MSRB3: variants seen among roughly 807,000 people sequenced by gnomAD.
MSRB3 encodes methionine-R-sulfoxide reductase B3.
A neutral mutation model predicts 21.0 loss-of-function variants in MSRB3; 13 were observed. The ratio of observed to expected loss-of-function variants is 0.62; its 90% confidence interval spans 0.40 to 0.98. The LOEUF (loss-of-function observed/expected upper bound fraction) is 0.98. Ranked by LOEUF, MSRB3 falls within the 50% of genes least tolerant of loss-of-function variation. The pLI, the probability that MSRB3 is intolerant of heterozygous loss-of-function variation, is 0.00. For missense variants in MSRB3, 199 were observed against 230.3 expected, an observed-to-expected ratio of 0.86 and a Z score of 0.88; for synonymous variants, 87 against 88.6, an observed-to-expected ratio of 0.98 and a Z score of 0.10.
rs1880568418 is a variant in MSRB3, at chr12:65,408,934, C to CG, written c.292+39908_292+39909insG. On this transcript the variant is annotated intron_variant, in intron 5 of 6. Coordinates refer to ENST00000308259, the MANE Select transcript of MSRB3 (RefSeq NM_001031679.3). The stretch of plus-strand genomic sequence containing the variant: ...ATTTAAAAATGGCTACTTTCCCCTT[C>CG]CCCCTGCTGGAATCACAAGCGGACT... Among the ~76,000 whole-genome samples the CG allele has an allele frequency of 2.0e-5, 3 of 152,182 alleles. No homozygotes were observed. In the South Asian group the frequency reaches 6.2e-4, roughly 32 times the overall value.
At chr12:65,422,000 G>A (rs1020551247) in intron 5 of MSRB3, among the ~76,000 whole-genome samples, 30 of 152,172 alleles carry the variant, frequency 2.0e-4, no homozygotes, top group African/African-American at 6.5e-4. Context: ...AACATGCAAC[G>A]ACATGCATAG....
chr12:65,431,184 A>G (rs1169508309), intron 5 of MSRB3, among the ~76,000 whole-genome samples: 1 of 152,056 alleles, frequency 6.6e-6, no homozygotes, highest in East Asian at 1.9e-4. Flanking sequence ...GTTACTTCCT[A>G]AATGACTGTA....
intron 4 of MSRB3, among the ~76,000 whole-genome samples, chr12:65,356,194 G>A (rs998985826): frequency 1.3e-5 from 2 of 151,826 alleles, no homozygotes; most frequent in Non-Finnish European, 2.9e-5. Flanking sequence ...GTGGTCTGTT[G>A]GCCCTGCCTG....
intron 5 of MSRB3, among the ~76,000 whole-genome samples, chr12:65,371,793 C>CA (rs1395617369): frequency 1.3e-5 from 2 of 152,008 alleles, no homozygotes; most frequent in Non-Finnish European, 1.5e-5. Context: ...GAATGTATAC[C>CA]AAATGATTAT....
chr12:65,353,946 G>T lies in MSRB3; in HGVS notation c.264-15052G>T, dbSNP rs539955464. On this transcript the variant is annotated intron_variant, in intron 4 of 6. Transcript: ENST00000308259. ...GTGGTGACAAAATCTCTCAGCATTT[G>T]CTTGTCTGTAAAGGATTTTATTTCT... Among the ~76,000 whole-genome samples, 729 of 152,020 alleles carry T rather than the reference G, an allele frequency of 4.8e-3. 3 individuals carry two copies. Among genetic ancestry groups the T allele is most frequent in the African/African-American group, 0.017 (707 of 41,508 alleles).
chr12:65,358,719 T>C (rs1336859536), intron 4 of MSRB3, among the ~76,000 whole-genome samples: 1 of 152,022 alleles, frequency 6.6e-6, no homozygotes, highest in Non-Finnish European at 1.5e-5. Context: ...GTAGGTGGCC[T>C]CTCTGCTTTG....
chr12:65,279,143 G>T, intron 1 of MSRB3: 1 of 1,236,650 alleles, frequency 8.1e-7, no homozygotes, highest in Non-Finnish European at 1.0e-6. Context: ...ATCCTGTCCC[G>T]GGAGCGAACC....
chr12:65,341,058 A>G (rs1876106907), intron 4 of MSRB3, among the ~76,000 whole-genome samples: 1 of 152,148 alleles, frequency 6.6e-6, no homozygotes, highest in African/African-American at 2.4e-5. Flanking sequence ...AAGATATTCA[A>G]TCAAAGAAAA....
chr12:65,287,335 C>T (rs2136389526), intron 1 of MSRB3, among the ~76,000 whole-genome samples: 1 of 152,062 alleles, frequency 6.6e-6, no homozygotes, highest in Admixed American at 6.5e-5. Flanking sequence ...CCTATGTTTC[C>T]CAGGTAGGTC....
chr12:65,352,771 C>G (rs1187616723), intron 4 of MSRB3, among the ~76,000 whole-genome samples: 5 of 150,448 alleles, frequency 3.3e-5, no homozygotes, highest in African/African-American at 4.9e-5. Context: ...TGTGAAGGAC[C>G]TCTTCAAGGA....
At chr12:65,323,646 G>A (rs747835705) in intron 2 of MSRB3, among the ~76,000 whole-genome samples, 2 of 152,124 alleles carry the variant, frequency 1.3e-5, no homozygotes, top group Admixed American at 6.5e-5. Context: ...CAGTACCTAA[G>A]TGAAGATAGT....
intron 5 of MSRB3, among the ~76,000 whole-genome samples, chr12:65,416,407 T>G (rs1880976964): frequency 6.6e-6 from 1 of 152,322 alleles, no homozygotes; most frequent in Admixed American, 6.5e-5. Context: ...CATGTAACAA[T>G]GTATAGATGT....
At chr12:65,357,770 CT>C (rs1353747248) in intron 4 of MSRB3, among the ~76,000 whole-genome samples, 1 of 151,868 alleles carries the variant, frequency 6.6e-6, no homozygotes, top group African/African-American at 2.4e-5. Flanking sequence ...TTTCTCATAA[CT>C]AGATTGGGGT....
chr12:65,312,344 T>A (rs1874038566), intron 2 of MSRB3, among the ~76,000 whole-genome samples: 1 of 152,014 alleles, frequency 6.6e-6, no homozygotes, highest in African/African-American at 2.4e-5. Context: ...GTTTGAACAT[T>A]AGAATTCCTT....
At chr12:65,405,099 C>T (rs7299655) in intron 5 of MSRB3, among the ~76,000 whole-genome samples, 58,529 of 151,596 alleles carry the variant, frequency 0.39, 11,778 homozygotes, top group South Asian at 0.57. Context: ...TACAGGTGTG[C>T]GCCACCATGC....
intron 5 of MSRB3, among the ~76,000 whole-genome samples, chr12:65,445,642 A>G (rs1256499279): frequency 7.3e-6 from 1 of 137,194 alleles, no homozygotes; most frequent in East Asian, 2.2e-4. Context: ...CAAGACACAT[A>G]TATATAATTT....
intron 2 of MSRB3, among the ~76,000 whole-genome samples, chr12:65,313,561 C>T (rs1874112794): frequency 6.6e-6 from 1 of 152,028 alleles, no homozygotes; most frequent in African/African-American, 2.4e-5. Context: ...TGAAACTCTT[C>T]AAAGGGGGTT....
rs1881896290 is a variant in MSRB3, at chr12:65,431,916, A to G, written c.293-21812A>G. On this transcript the variant is annotated intron_variant, in intron 5 of 6. Transcript: ENST00000308259. ...GGCTACATTCAAACAGCATGGGACA[A>G]ACACAAAATGTAAGGCTAGTAGAAT... Among the ~76,000 whole-genome samples the G allele has an allele frequency of 1.3e-5, 2 of 152,088 alleles. 1 individual carries two copies. Among genetic ancestry groups the G allele is most frequent in the South Asian group, 4.1e-4 (2 of 4,836 alleles).
At chr12:65,355,424 A>T (rs1565851448) in intron 4 of MSRB3, among the ~76,000 whole-genome samples, 1 of 151,888 alleles carries the variant, frequency 6.6e-6, no homozygotes, top group Non-Finnish European at 1.5e-5. Flanking sequence ...TATTTGGTTT[A>T]TCAGTACTGC....
Sources: allele counts gnomAD v4.1 joint callset (sites outside exome capture counted in the v4.1 genomes callset), GRCh38; gene constraint gnomAD v4.1.1; transcripts MANE v1.5; gene names NCBI Gene and HGNC (gene_info 2026-07-23, HGNC 2026-07-21).